AGTPBP1: variants seen among roughly 807,000 people sequenced by gnomAD.
AGTPBP1 encodes ATP/GTP binding carboxypeptidase 1.
In AGTPBP1, 70 loss-of-function variants were observed where a neutral mutation model predicts 143.9. The observed-to-expected ratio is 0.49, with a 90% CI of 0.40 to 0.59. AGTPBP1 has a LOEUF of 0.59. Among genes scored for constraint, AGTPBP1 ranks in the 20% least tolerant of loss-of-function variants. The probability of loss-of-function intolerance (pLI) is 0.00; values close to 1 mark genes in which losing one functional copy is unlikely to be tolerated. For missense variants in AGTPBP1, 1,229 were observed against 1,464.5 expected (o/e 0.84, Z 2.62); for synonymous variants, 463 against 500.2 (o/e 0.93, Z 0.99).
intron 1 of AGTPBP1, among the ~76,000 whole-genome samples, chr9:85,721,028 A>C (rs1423180194): frequency 6.6e-6 from 1 of 152,076 alleles, no homozygotes; most frequent in Non-Finnish European, 1.5e-5. Context: ...GTGGTCTGAG[A>C]GATAGTTTGT....
At chr9:85,572,684 AC>A (rs922393938) in intron 25 of AGTPBP1, among the ~76,000 whole-genome samples, 3 of 152,310 alleles carry the variant, frequency 2.0e-5, no homozygotes, top group African/African-American at 7.2e-5. Flanking sequence ...TATCTAAAGC[AC>A]CAGTAACGGT....
At chr9:85,758,229 G>A in the AGTPBP1 span, among the ~76,000 whole-genome samples, 8 of 152,172 alleles carry the variant, frequency 5.3e-5, no homozygotes, top group African/African-American at 1.9e-4. Context: ...AGACATTAGA[G>A]ATAGAACAAG....
intron 25 of AGTPBP1, among the ~76,000 whole-genome samples, chr9:85,556,784 A>G (rs1290769883): frequency 6.6e-6 from 1 of 152,204 alleles, no homozygotes; most frequent in Non-Finnish European, 1.5e-5. Flanking sequence ...AAAGTTCTAC[A>G]CATCTACTAT....
chr9:85,577,071 G>A (rs189347234), intron 24 of AGTPBP1, among the ~76,000 whole-genome samples: 86 of 152,110 alleles, frequency 5.7e-4, no homozygotes, highest in African/African-American at 1.9e-3. Context: ...TTAAAAATCT[G>A]TGTTTTTAAA....
intron 11 of AGTPBP1, among the ~76,000 whole-genome samples, chr9:85,651,378 T>C (rs1385898320): frequency 2.0e-5 from 3 of 152,188 alleles, no homozygotes; most frequent in South Asian, 2.1e-4. Flanking sequence ...ATTTTAGAAA[T>C]GCAAGAACAG....
At position 85,652,587 on chromosome 9, in the gene AGTPBP1, C is replaced by T. The variant is rs142785127; in HGVS notation, c.1087+2556G>A. Among the ~76,000 whole-genome samples the T allele has an allele frequency of 7.0e-3, 1,069 of 152,246 alleles. 14 individuals are homozygous for T. The highest frequency in any genetic ancestry group is 0.025 in the African/African-American group (1,023 of 41,538). ...ATCATGGTGCTGGGAGGGTGGCATA[C>T]CTAGAGAGGGCATGGAAGCCCCACA... On this transcript the variant is annotated intron_variant, in intron 11 of 25. Transcript: ENST00000357081.
At chr9:85,783,860 G>A in the AGTPBP1 span, among the ~76,000 whole-genome samples, 1 of 152,108 alleles carries the variant, frequency 6.6e-6, no homozygotes, top group Non-Finnish European at 1.5e-5. Context: ...CCTGACCTCA[G>A]GTGATCCACC....
intron 25 of AGTPBP1, chr9:85,554,095 A>G (rs1826189796): frequency 6.6e-6 from 1 of 152,236 alleles, no homozygotes; most frequent in Non-Finnish European, 1.5e-5. Flanking sequence ...TTCAGTTATG[A>G]CTTATTACAG....
At chr9:85,797,700 C>T in the AGTPBP1 span, among the ~76,000 whole-genome samples, 1 of 151,868 alleles carries the variant, frequency 6.6e-6, no homozygotes, top group African/African-American at 2.4e-5. Context: ...ATAAAATACA[C>T]TAACAATAGC....
chr9:85,627,854 T>C (rs1341150341), intron 14 of AGTPBP1, among the ~76,000 whole-genome samples: 2 of 152,234 alleles, frequency 1.3e-5, no homozygotes, highest in Non-Finnish European at 2.9e-5. Context: ...GAATACAGTA[T>C]ATAATACAAA....
Position 85,633,148 on chromosome 9 carries a change from T to A in AGTPBP1, c.1529A>T (p.Gln510Leu). 1 of 1,613,980 alleles carries A rather than the reference T, an allele frequency of 6.2e-7. No homozygotes were observed. Residue 510 changes from glutamine to leucine, a missense_variant, in exon 14 of 26, where the codon CAA becomes CTA. Transcript: ENST00000357081. ...TCTATTTTGATCACCTGGCTGCTGT[T>A]GTAATGTTCTATCATTATCTTTAAT... Reference protein sequence around the residue: ...EDIKDNDRTLQQQPGDQNRTI... With the variant: ...EDIKDNDRTLLQQPGDQNRTI...
rs556488220 is a variant in AGTPBP1, at chr9:85,602,735, C to T, written c.2336-6286G>A. Among the ~76,000 whole-genome samples, 9 of 152,166 alleles carry T rather than the reference C, an allele frequency of 5.9e-5. No individual in the cohort carries two copies. In the South Asian group the frequency reaches 1.0e-3, roughly 18 times the overall value. Reference sequence around the variant, plus strand: ...TTTTAAGAACCAAAAATTAGGTGAGCGATCATACCAAGGAAATGCACTGAA... The same window carrying T: ...TTTTAAGAACCAAAAATTAGGTGAGTGATCATACCAAGGAAATGCACTGAA... On this transcript the variant is annotated intron_variant, in intron 17 of 25. Transcript: ENST00000357081.
intron 1 of AGTPBP1, among the ~76,000 whole-genome samples, chr9:85,739,691 A>G (rs1224504058): frequency 6.8e-6 from 1 of 148,114 alleles, no homozygotes; most frequent in Admixed American, 6.7e-5. Flanking sequence ...CTGGGCGACA[A>G]GAGCGAAACT....
chr9:85,636,311 G>A (rs1184505187), intron 13 of AGTPBP1, among the ~76,000 whole-genome samples: 1 of 147,020 alleles, frequency 6.8e-6, no homozygotes, highest in African/African-American at 2.5e-5. Context: ...CTCCAGGCTG[G>A]AGTGCAGTGG....
chr9:85,697,951 T>C (rs1369933783), intron 2 of AGTPBP1, among the ~76,000 whole-genome samples: 2 of 152,208 alleles, frequency 1.3e-5, no homozygotes, highest in Non-Finnish European at 2.9e-5. Flanking sequence ...CACCACAATC[T>C]GTGTACTAGA....
chr9:85,711,114 AG>A (rs1837337772), intron 2 of AGTPBP1, among the ~76,000 whole-genome samples: 1 of 152,230 alleles, frequency 6.6e-6, no homozygotes, highest in Admixed American at 6.5e-5. Flanking sequence ...CGTAAACATA[AG>A]AACATTGCTA....
intron 8 of AGTPBP1, among the ~76,000 whole-genome samples, chr9:85,662,958 T>C (rs965900038): frequency 3.3e-5 from 5 of 152,016 alleles, no homozygotes; most frequent in Admixed American, 3.3e-4. Context: ...TCCACAGAAA[T>C]GGCAAAAATG....
At chr9:85,701,217 T>A (rs1330234713) in intron 2 of AGTPBP1, among the ~76,000 whole-genome samples, 10 of 151,518 alleles carry the variant, frequency 6.6e-5, no homozygotes, top group South Asian at 2.1e-4. Flanking sequence ...TGGCCTTTTT[T>A]TTTTTATTTT....
intron 17 of AGTPBP1, among the ~76,000 whole-genome samples, chr9:85,615,052 C>G (rs901539318): frequency 6.6e-6 from 1 of 152,096 alleles, no homozygotes; most frequent in South Asian, 2.1e-4. Context: ...TCAATAAATT[C>G]ATCAACGACA....
Sources: gnomAD v4.1 joint callset for allele counts (sites outside exome capture counted in the v4.1 genomes callset) on GRCh38, gnomAD v4.1.1 for gene constraint, MANE v1.5 for transcripts, NCBI Gene and HGNC (gene_info 2026-07-23, HGNC 2026-07-21) for gene names.